FGFR2: variants seen among roughly 807,000 people sequenced by gnomAD.
The protein encoded by FGFR2 is BEK fibroblast growth factor receptor.
Under a neutral mutation model 95.9 loss-of-function variants are expected in FGFR2, and 19 were observed. The observed-to-expected ratio is 0.20, with a 90% CI of 0.14 to 0.29. The LOEUF (loss-of-function observed/expected upper bound fraction) is 0.29. FGFR2 is among the 10% of genes least tolerant of loss of function. The probability of loss-of-function intolerance (pLI) is 1.00; values close to 1 mark genes in which losing one functional copy is unlikely to be tolerated. For synonymous variants in FGFR2, 392 were observed against 393.3 expected, an observed-to-expected ratio of 1.00 and a Z score of 0.04; for missense variants, 707 against 1,056.9, an observed-to-expected ratio of 0.67 and a Z score of 4.59.
At chr10:121,489,275 T>C (rs1011842843) in intron 13 of FGFR2, among the ~76,000 whole-genome samples, 5 of 152,220 alleles carry the variant, frequency 3.3e-5, no homozygotes, top group East Asian at 3.9e-4. Context: ...GGTTTCACCA[T>C]GTCGGTCAGG....
intron 5 of FGFR2, among the ~76,000 whole-genome samples, chr10:121,550,323 G>A (rs1379638422): frequency 6.6e-6 from 1 of 152,120 alleles, no homozygotes; most frequent in Non-Finnish European, 1.5e-5. Context: ...CTTGGAGCTG[G>A]GGCCATGCCT....
At chr10:121,520,223 T>C in intron 6 of FGFR2, 54 bp from the exon 7 acceptor site, 1 of 1,550,516 alleles carries the variant, frequency 6.4e-7, no homozygotes, top group South Asian at 1.2e-5. Context: ...GAGAGACCAA[T>C]AAATAAGCTG....
In FGFR2 at chr10:121,518,214, T is replaced by C. The variant is rs1399059400; in HGVS notation, c.940-751A>G. Among the ~76,000 whole-genome samples, 1 of 152,144 alleles carries C rather than the reference T, an allele frequency of 6.6e-6. No individual in the cohort carries two copies. Among genetic ancestry groups the C allele is most frequent in the East Asian group, 1.9e-4 (1 of 5,200 alleles). ...GTGCAACAAGGTCAAGAACAGCAAC[T>C]CATAAGGATCAACCATGCAACCAAA... On this transcript the variant is annotated intron_variant, in intron 7 of 17. Transcript: ENST00000358487. This position sits in a 1 kb window ranked among gnomAD's most constrained non-coding sequence, Gnocchi z 4.0.
intron 3 of FGFR2, 31 bp downstream of exon 3, chr10:121,565,407 G>T: frequency 6.2e-7 from 1 of 1,613,262 alleles, no homozygotes; most frequent in South Asian, 1.1e-5. Flanking sequence ...CTACAGAGAA[G>T]AGAGAGCATA....
intron 1 of FGFR2, among the ~76,000 whole-genome samples, chr10:121,595,667 G>C (rs1863329506): frequency 6.6e-6 from 1 of 152,186 alleles, no homozygotes; most frequent in Non-Finnish European, 1.5e-5. Flanking sequence ...CTAAGCATTT[G>C]CAGAATGCAG....
intron 4 of FGFR2, 78 bp downstream of exon 4, chr10:121,564,424 G>C: frequency 7.5e-7 from 1 of 1,338,286 alleles, no homozygotes. Flanking sequence ...CAGAAGAGTC[G>C]ACAAGAAGAC....
chr10:121,537,451 G>C (rs1174681705), intron 6 of FGFR2, among the ~76,000 whole-genome samples: 1 of 152,078 alleles, frequency 6.6e-6, no homozygotes, highest in Admixed American at 6.5e-5. Context: ...TCAAGCTTTT[G>C]GATTATTTTT....
chr10:121,503,706 G>A, intron 10 of FGFR2, 84 bp downstream of exon 10: 2 of 1,481,876 alleles, frequency 1.3e-6, no homozygotes, highest in Admixed American at 1.7e-5. Context: ...TTGTGGCTAA[G>A]GGTCATAAAA....
At position 121,538,567 on chromosome 10, in the gene FGFR2, G is replaced by A. The variant is rs774961926; in HGVS notation, c.748+25C>T. Reference sequence around the variant, plus strand: ...AGCAAGAATGGGCTGGTATGCAGCCGCCACACGAGGAGAGGCAAACTCACC... The same window carrying A: ...AGCAAGAATGGGCTGGTATGCAGCCACCACACGAGGAGAGGCAAACTCACC... On this transcript the variant is annotated intron_variant, in intron 6 of 17. Coordinates refer to ENST00000358487, the MANE Select transcript of FGFR2 (RefSeq NM_000141.5). 1.4e-5 allele frequency: 22 copies of A among 1,614,162 alleles called. No homozygotes were observed. In the East Asian group the frequency reaches 3.1e-4, roughly 23 times the overall value.
chr10:121,532,342 C>T (rs1380951198), intron 6 of FGFR2, among the ~76,000 whole-genome samples: 1 of 152,118 alleles, frequency 6.6e-6, no homozygotes, highest in African/African-American at 2.4e-5. Flanking sequence ...TAAATGATGC[C>T]ACCACAGCCA....
intron 4 of FGFR2, among the ~76,000 whole-genome samples, chr10:121,559,583 C>T (rs1856658695): frequency 6.6e-6 from 1 of 152,224 alleles, no homozygotes; most frequent in African/African-American, 2.4e-5. Flanking sequence ...GTTTCACAGA[C>T]ACCAAACAGA....
chr10:121,505,590 A>C lies in FGFR2; in HGVS notation c.1288-1649T>G, dbSNP rs572081956. Among the ~76,000 whole-genome samples the C allele has an allele frequency of 2.6e-5, 4 of 152,294 alleles. No homozygotes were observed. In the East Asian group the frequency reaches 7.7e-4, roughly 29 times the overall value. ...CAGAAGCAAGCGGGAAAAGACGAGA[A>C]GGTAAATGTGGGTGCTCCTGGGGAA... On this transcript the variant is annotated intron_variant, in intron 9 of 17. Coordinates refer to ENST00000358487, the MANE Select transcript of FGFR2 (RefSeq NM_000141.5).
intron 13 of FGFR2, among the ~76,000 whole-genome samples, chr10:121,488,396 C>A (rs1296698163): frequency 6.6e-6 from 1 of 151,762 alleles, no homozygotes; most frequent in Non-Finnish European, 1.5e-5. Flanking sequence ...CAAAAATTAG[C>A]CGAGCGTGGT....
intron 6 of FGFR2, among the ~76,000 whole-genome samples, chr10:121,537,271 T>C (rs757424193): frequency 2.2e-4 from 33 of 152,226 alleles, no homozygotes; most frequent in Non-Finnish European, 4.1e-4. Context: ...ATAAACACTA[T>C]TTTCCCTGAA....
intron 5 of FGFR2, among the ~76,000 whole-genome samples, chr10:121,548,516 G>A (rs907523817): frequency 7.9e-5 from 12 of 151,870 alleles, no homozygotes; most frequent in Non-Finnish European, 1.6e-4. Flanking sequence ...TTAAAAATCA[G>A]GCAGCATTTT....
In FGFR2 at chr10:121,479,629, T is replaced by C; in HGVS notation, c.*228A>G. On this transcript the variant is annotated 3_prime_UTR_variant, in exon 18 of 18. Coordinates refer to ENST00000358487, the MANE Select transcript of FGFR2 (RefSeq NM_000141.5). Reference sequence around the variant, plus strand: ...ACGGCAGGTGAGAGGGGTTACATGGTGGCTTGTGGCAGTCCACTGCTCCAG... The same window carrying C: ...ACGGCAGGTGAGAGGGGTTACATGGCGGCTTGTGGCAGTCCACTGCTCCAG... The C allele has an allele frequency of 6.4e-7, 1 of 1,551,788 alleles. No individual in the cohort carries two copies. The highest frequency in any genetic ancestry group is 8.7e-7 in the Non-Finnish European group (1 of 1,147,022).
intron 9 of FGFR2, among the ~76,000 whole-genome samples, chr10:121,504,187 T>C (rs562891735): frequency 6.6e-6 from 1 of 152,320 alleles, no homozygotes; most frequent in East Asian, 1.9e-4. Flanking sequence ...TTCTATACCA[T>C]CTGATCACAA....
At chr10:121,563,570 T>C (rs1041587294) in intron 4 of FGFR2, among the ~76,000 whole-genome samples, 9 of 152,332 alleles carry the variant, frequency 5.9e-5, no homozygotes, top group African/African-American at 2.2e-4. Flanking sequence ...AGTAATGCTA[T>C]ATTGTATTTT....
intron 4 of FGFR2, among the ~76,000 whole-genome samples, chr10:121,558,116 A>G (rs1386921509): frequency 6.6e-6 from 1 of 152,218 alleles, no homozygotes; most frequent in East Asian, 1.9e-4. Context: ...CTCTTCAGAA[A>G]CATTAATCAC....
Sources: allele counts gnomAD v4.1 joint callset (sites outside exome capture counted in the v4.1 genomes callset), GRCh38; gene constraint gnomAD v4.1.1; non-coding constraint Gnocchi (gnomAD v3.1); transcripts MANE v1.5; gene names NCBI Gene and HGNC (gene_info 2026-07-23, HGNC 2026-07-21).